Variants in MAF observed in about 807,000 individuals in gnomAD.
The protein encoded by MAF is transcription factor Maf.
A neutral mutation model predicts 22.0 loss-of-function variants in MAF; 10 were observed. That is an observed-to-expected ratio of 0.45 (90% confidence interval 0.28 to 0.77). The LOEUF is 0.77. MAF is among the 30% of genes least tolerant of loss of function. The pLI, the probability that MAF is intolerant of heterozygous loss-of-function variation, is 0.12. For missense variants in MAF, 544 were observed against 548.4 expected (o/e 0.99, Z 0.08); for synonymous variants, 337 against 255.8 (o/e 1.32, Z -3.03).
At chr16:79,270,997 T>C in the MAF span, among the ~76,000 whole-genome samples, 1 of 151,408 alleles carries the variant, frequency 6.6e-6, no homozygotes, top group East Asian at 2.0e-4. Context: ...GCCTCCTGGG[T>C]TCAAGTGATT....
chr16:79,514,304 T>C, the MAF span, among the ~76,000 whole-genome samples: 16 of 152,256 alleles, frequency 1.1e-4, no homozygotes, highest in African/African-American at 3.4e-4. Flanking sequence ...CAGAATTCTT[T>C]TAAAAATTGA....
chr16:79,570,692 C>G, the MAF span, among the ~76,000 whole-genome samples: 1 of 152,228 alleles, frequency 6.6e-6, no homozygotes, highest in African/African-American at 2.4e-5. Context: ...GTATTCCCTT[C>G]TGCAAATATT....
At chr16:79,514,264 C>A in the MAF span, among the ~76,000 whole-genome samples, 6 of 152,216 alleles carry the variant, frequency 3.9e-5, no homozygotes, top group Non-Finnish European at 2.9e-5. Context: ...GCTTGTCAGA[C>A]TTCCCATTAC....
chr16:79,218,410 C>G, the MAF span, among the ~76,000 whole-genome samples: 29 of 152,122 alleles, frequency 1.9e-4, no homozygotes, highest in African/African-American at 6.8e-4. Flanking sequence ...TTTATGCATA[C>G]AGCTTTTTCC....
At chr16:79,491,080 G>A in the MAF span, among the ~76,000 whole-genome samples, 130 of 152,282 alleles carry the variant, frequency 8.5e-4, no homozygotes, top group African/African-American at 2.8e-3. Context: ...AGGATAGAAC[G>A]GAAAGGGAAG....
chr16:79,425,931 G>C, the MAF span, among the ~76,000 whole-genome samples: 2 of 152,310 alleles, frequency 1.3e-5, no homozygotes, highest in African/African-American at 4.8e-5. Context: ...GTTGGACCAG[G>C]GGTGGTGGCT....
At chr16:79,412,656 G>C in the MAF span, among the ~76,000 whole-genome samples, 1 of 152,174 alleles carries the variant, frequency 6.6e-6, no homozygotes, top group African/African-American at 2.4e-5. Context: ...CTAAGCCTTG[G>C]TTTTCTCAGC....
chr16:79,338,642 G>GA, the MAF span, among the ~76,000 whole-genome samples: 1 of 152,026 alleles, frequency 6.6e-6, no homozygotes, highest in South Asian at 2.1e-4. Flanking sequence ...CAAAAGAGTT[G>GA]AGGAAGAAAA....
the MAF span, among the ~76,000 whole-genome samples, chr16:79,403,004 T>C: frequency 6.6e-6 from 1 of 152,190 alleles, no homozygotes; most frequent in Non-Finnish European, 1.5e-5. Flanking sequence ...GGCTGGGCCC[T>C]GGTTGTGAGC....
the MAF span, among the ~76,000 whole-genome samples, chr16:79,410,223 A>G: frequency 1.3e-5 from 2 of 152,112 alleles, no homozygotes; most frequent in Non-Finnish European, 2.9e-5. Context: ...TTTTTTGTCT[A>G]TAAATCTTTT....
the MAF span, among the ~76,000 whole-genome samples, chr16:79,231,345 C>T: frequency 0.012 from 1,864 of 152,168 alleles, 25 homozygotes; most frequent in South Asian, 0.022. Context: ...TGAGCTCTTG[C>T]TGCGTTTTAA....
the MAF span, among the ~76,000 whole-genome samples, chr16:79,270,525 C>T: frequency 6.6e-6 from 1 of 152,212 alleles, no homozygotes; most frequent in South Asian, 2.1e-4. Flanking sequence ...CTCTGCTCCT[C>T]TGATTTATAG....
chr16:79,477,466 C>G, the MAF span, among the ~76,000 whole-genome samples: 1 of 152,158 alleles, frequency 6.6e-6, no homozygotes, highest in African/African-American at 2.4e-5. Context: ...ATATTCTCTT[C>G]CAGCATGAGA....
chr16:79,550,342 G>GAA, the MAF span, among the ~76,000 whole-genome samples: 236 of 150,334 alleles, frequency 1.6e-3, no homozygotes, highest in African/African-American at 5.7e-3. Flanking sequence ...GGAAAGGAGA[G>GAA]AGAGAGAGAC....
At chr16:79,324,436 G>T in the MAF span, among the ~76,000 whole-genome samples, 2,540 of 152,234 alleles carry the variant, frequency 0.017, 17 homozygotes, top group Middle Eastern at 0.044. Context: ...CTGCAGGGCC[G>T]ACTTTGGGAC....
At chr16:79,471,652 G>C in the MAF span, among the ~76,000 whole-genome samples, 1 of 152,172 alleles carries the variant, frequency 6.6e-6, no homozygotes, top group South Asian at 2.1e-4. Context: ...ACTCCAGCCT[G>C]GGCATCACGG....
the MAF span, among the ~76,000 whole-genome samples, chr16:79,567,110 G>C: frequency 6.6e-6 from 1 of 152,206 alleles, no homozygotes; most frequent in Non-Finnish European, 1.5e-5. Flanking sequence ...ACAAGGTCAG[G>C]AGTTCGAGAC....
At chr16:79,211,897 C>A in the MAF span, 5 of 1,563,446 alleles carry the variant, frequency 3.2e-6, no homozygotes, top group Non-Finnish European at 4.3e-6. Context: ...CAACACAGAT[C>A]CGCAAGAGTA....
At chr16:79,344,524 A>G in the MAF span, among the ~76,000 whole-genome samples, 1 of 152,196 alleles carries the variant, frequency 6.6e-6, no homozygotes, top group African/African-American at 2.4e-5. Context: ...AGGTTTAAAG[A>G]TACTGCCTGA....
Sources: allele counts gnomAD v4.1 joint callset (sites outside exome capture counted in the v4.1 genomes callset), GRCh38; gene constraint gnomAD v4.1.1; transcripts MANE v1.5; gene names NCBI Gene and HGNC (gene_info 2026-07-23, HGNC 2026-07-21).